PAPPA: variants seen among roughly 807,000 people sequenced by gnomAD.
PAPPA encodes pappalysin 1.
A neutral mutation model predicts 164.0 loss-of-function variants in PAPPA; 60 were observed. That is an observed-to-expected ratio of 0.37 (90% CI 0.30 to 0.45). PAPPA has a LOEUF of 0.45. Ranked by LOEUF, PAPPA falls within the 20% of genes least tolerant of loss-of-function variation. The probability of loss-of-function intolerance (pLI) is 1.00; values close to 1 mark genes in which losing one functional copy is unlikely to be tolerated. For synonymous variants in PAPPA, 875 were observed against 814.1 expected (o/e 1.07, Z -1.27); for missense variants, 1,782 against 2,087.3 (o/e 0.85, Z 2.85).
intron 9 of PAPPA, among the ~76,000 whole-genome samples, chr9:116,274,411 G>T (rs979908375): frequency 6.6e-6 from 1 of 152,154 alleles, no homozygotes; most frequent in Non-Finnish European, 1.5e-5. Context: ...ATCTTCCTCC[G>T]AAAGGAACAG....
At chr9:116,373,817 C>T (rs982921858) in intron 19 of PAPPA, 1 of 152,142 alleles carries the variant, frequency 6.6e-6, no homozygotes, top group African/African-American at 2.4e-5. Context: ...TAATTGCTGA[C>T]TGTCACTACC....
At chr9:116,294,178 C>G (rs1020169715) in intron 9 of PAPPA, among the ~76,000 whole-genome samples, 1 of 151,958 alleles carries the variant, frequency 6.6e-6, no homozygotes, top group Non-Finnish European at 1.5e-5. Flanking sequence ...TGATTACTTC[C>G]AGGGATGCTC....
At position 116,265,998 on chromosome 9, in the gene PAPPA, A is replaced by T. The variant is rs1409664680; in HGVS notation, c.2861+13A>T. 1 of 1,591,094 alleles carries T rather than the reference A, an allele frequency of 6.3e-7. No individual in the cohort carries two copies. Among genetic ancestry groups the T allele is most frequent in the Admixed American group, 1.7e-5 (1 of 59,336 alleles). On this transcript the variant is annotated intron_variant, in intron 8 of 21. Coordinates refer to ENST00000328252, the MANE Select transcript of PAPPA (RefSeq NM_002581.5). ...GCATTATACAAAAGTAAGTAGATCTAATTAAAGAAAGAAGAGGAGGGATGC... is the reference window on the plus strand; with the variant it reads ...GCATTATACAAAAGTAAGTAGATCTTATTAAAGAAAGAAGAGGAGGGATGC...
intron 9 of PAPPA, among the ~76,000 whole-genome samples, chr9:116,274,722 A>G (rs1399091264): frequency 6.6e-6 from 1 of 152,172 alleles, no homozygotes; most frequent in Non-Finnish European, 1.5e-5. Context: ...CTTAGGAGAT[A>G]ATTATTCTAA....
At chr9:116,214,644 T>C (rs933940260) in intron 4 of PAPPA, among the ~76,000 whole-genome samples, 5 of 152,156 alleles carry the variant, frequency 3.3e-5, no homozygotes, top group Admixed American at 6.5e-5. Context: ...AGTATAGTTA[T>C]GTTGAACTCT....
intron 1 of PAPPA, among the ~76,000 whole-genome samples, chr9:116,166,000 T>C (rs560836432): frequency 2.6e-5 from 4 of 152,224 alleles, no homozygotes; most frequent in Non-Finnish European, 5.9e-5. Context: ...ATAAAGGGGC[T>C]ATATGTATTT....
chr9:116,249,474 T>C (rs1844834513), intron 7 of PAPPA, among the ~76,000 whole-genome samples: 1 of 152,148 alleles, frequency 6.6e-6, no homozygotes, highest in African/African-American at 2.4e-5. Flanking sequence ...TGATGAGCCA[T>C]TGAGTGTCTG....
intron 10 of PAPPA, among the ~76,000 whole-genome samples, chr9:116,330,650 T>G (rs375487392): frequency 1.3e-5 from 2 of 152,034 alleles, no homozygotes; most frequent in African/African-American, 4.8e-5. Context: ...TATAAAGTGA[T>G]GGAACTGATT....
rs376925331 is a variant in PAPPA at position 116,362,752 on chromosome 9, C to T, written c.4495+13C>T. On this transcript the variant is annotated intron_variant, in intron 18 of 21. Transcript: ENST00000328252. ...GGCTATGCCATAGGTATGATGGGCC[C>T]GAGAGGGGAGCAGTAGGAGGGGCAA... is the stretch of plus-strand genomic sequence containing the variant. 2.8e-5 allele frequency: 45 copies of T among 1,608,462 alleles called. No individual in the cohort carries two copies. The highest frequency in any genetic ancestry group is 2.3e-4 in the African/African-American group (17 of 74,816).
intron 10 of PAPPA, among the ~76,000 whole-genome samples, chr9:116,319,739 T>C (rs1845830822): frequency 6.6e-6 from 1 of 152,154 alleles, no homozygotes; most frequent in Non-Finnish European, 1.5e-5. Flanking sequence ...GACTTCAACA[T>C]CCACTCCGAA....
intron 10 of PAPPA, among the ~76,000 whole-genome samples, chr9:116,328,202 A>AG (rs919544469): frequency 6.6e-6 from 1 of 152,186 alleles, no homozygotes; most frequent in African/African-American, 2.4e-5. Flanking sequence ...TAAGAACACA[A>AG]GGGGAAAGAA....
At chr9:116,257,909 T>A (rs1844950498) in intron 7 of PAPPA, among the ~76,000 whole-genome samples, 1 of 151,990 alleles carries the variant, frequency 6.6e-6, no homozygotes, top group Non-Finnish European at 1.5e-5. Context: ...CAAATAAACC[T>A]ACACGTAATT....
chr9:116,337,506 A>T (rs753946940), intron 13 of PAPPA, among the ~76,000 whole-genome samples: 1 of 152,158 alleles, frequency 6.6e-6, no homozygotes, highest in Non-Finnish European at 1.5e-5. Context: ...AAATAGCATC[A>T]CTTTTTATAA....
intron 1 of PAPPA, among the ~76,000 whole-genome samples, chr9:116,182,951 T>A (rs2118617327): frequency 6.6e-6 from 1 of 152,250 alleles, no homozygotes; most frequent in South Asian, 2.1e-4. Context: ...CATTGTCTAG[T>A]TCTATGTGCT....
intron 14 of PAPPA, 142 bp from the exon 15 acceptor site, chr9:116,346,884 A>G: frequency 6.9e-6 from 4 of 583,744 alleles, no homozygotes; most frequent in South Asian, 4.6e-5. Flanking sequence ...GGGATCATTA[A>G]AAGTGAGCTA....
intron 1 of PAPPA, among the ~76,000 whole-genome samples, chr9:116,179,578 G>T (rs191534914): frequency 2.3e-4 from 35 of 152,254 alleles, no homozygotes; most frequent in Non-Finnish European, 4.0e-4. Flanking sequence ...CTTTTGACCC[G>T]GGGTGGACCC....
chr9:116,255,148 A>G (rs1463443183), intron 7 of PAPPA, among the ~76,000 whole-genome samples: 1 of 151,996 alleles, frequency 6.6e-6, no homozygotes, highest in Non-Finnish European at 1.5e-5. Context: ...TTATCTTCAA[A>G]TAGTTTTTGT....
chr9:116,200,094 G>A (rs1844154617), intron 2 of PAPPA, among the ~76,000 whole-genome samples: 1 of 152,068 alleles, frequency 6.6e-6, no homozygotes, highest in African/African-American at 2.4e-5. Context: ...CCAAACTATA[G>A]CACAGATGTA....
intron 10 of PAPPA, among the ~76,000 whole-genome samples, chr9:116,326,808 A>G (rs530605765): frequency 2.0e-4 from 31 of 152,164 alleles, no homozygotes; most frequent in Non-Finnish European, 1.8e-4. Flanking sequence ...ATTATTTTAG[A>G]TACTTCATAT....
Sources: gnomAD v4.1 joint callset for allele counts (sites outside exome capture counted in the v4.1 genomes callset) on GRCh38, gnomAD v4.1.1 for gene constraint, MANE v1.5 for transcripts, NCBI Gene and HGNC (gene_info 2026-07-23, HGNC 2026-07-21) for gene names.